The following PIWIL2 variants were observed in gnomAD, a reference collection of about 807,000 sequenced individuals.
The protein encoded by PIWIL2 is piwi like RNA-mediated gene silencing 2, also known as piwi-like protein 2.
PIWIL2 carries 81 observed loss-of-function variants against 116.5 expected under a neutral mutation model. That is an observed-to-expected ratio of 0.70 (90% CI 0.58 to 0.84). PIWIL2 has a LOEUF of 0.84. Among genes scored for constraint, PIWIL2 ranks in the 40% least tolerant of loss-of-function variants. The pLI is 0.00. For missense variants in PIWIL2, 1,272 were observed against 1,212.3 expected (o/e 1.05, Z -0.73); for synonymous variants, 489 against 429.5 (o/e 1.14, Z -1.71).
intron 20 of PIWIL2, 45 bp from the exon 21 acceptor site, chr8:22,352,914 A>G (rs773803287): frequency 6.3e-7 from 1 of 1,576,946 alleles, no homozygotes; most frequent in East Asian, 2.2e-5. Context: ...TGTGGTCCGT[A>G]GCCTGAGGGC....
intron 8 of PIWIL2, among the ~76,000 whole-genome samples, chr8:22,289,629 A>G (rs1830711819): frequency 6.6e-6 from 1 of 152,212 alleles, no homozygotes; most frequent in Admixed American, 6.5e-5. Context: ...TAGTAAGTGG[A>G]AAAGACTGCT....
intron 10 of PIWIL2, among the ~76,000 whole-genome samples, chr8:22,301,227 T>C (rs1831040157): frequency 6.6e-6 from 1 of 151,898 alleles, no homozygotes; most frequent in Non-Finnish European, 1.5e-5. Flanking sequence ...CAAGTGATCC[T>C]CCTAAAGTGC....
chr8:22,301,640 G>A (rs1422186549), intron 10 of PIWIL2, among the ~76,000 whole-genome samples: 1 of 152,024 alleles, frequency 6.6e-6, no homozygotes, highest in Non-Finnish European at 1.5e-5. Context: ...TGATGAAGTA[G>A]AATTTATACT....
Position 22,315,041 on chromosome 8 carries a change from C to T in PIWIL2, c.2104C>T (p.Arg702Ter), listed in dbSNP as rs764270995. 1 of 1,610,030 alleles carries T rather than the reference C, an allele frequency of 6.2e-7. No individual in the cohort carries two copies. The highest frequency in any genetic ancestry group is 8.5e-7 in the Non-Finnish European group (1 of 1,176,302). Residue 702 changes from arginine to a stop codon, truncating the protein, a stop_gained, in exon 18 of 23, where the codon CGA becomes TGA. Transcript: ENST00000356766. LOFTEE classifies it high-confidence loss of function. Reference protein sequence around the residue: ...SPVPSQVVNVRTIGQPTRLRS... With the variant: ...SPVPSQVVNV ...CCCTTCATTATAGGTTGTCAATGTTCGAACCATTGGTCAGCCCACCAGGCT... is the reference window on the plus strand; with the variant it reads ...CCCTTCATTATAGGTTGTCAATGTTTGAACCATTGGTCAGCCCACCAGGCT...
Position 22,304,111 on chromosome 8 carries a change from T to C in PIWIL2, c.1272T>C (p.Asn424=), listed in dbSNP as rs756134354. The C allele has an allele frequency of 2.5e-6, 4 of 1,611,758 alleles. No individual in the cohort carries two copies. The highest frequency in any genetic ancestry group is 3.4e-6 in the Non-Finnish European group (4 of 1,177,822). The change falls in exon 11 of 23, where the codon AAT becomes AAC. Residue 424 remains asparagine (N), a synonymous_variant. Coordinates refer to ENST00000356766, the MANE Select transcript of PIWIL2 (RefSeq NM_018068.5). ...ATATTGTTATCACCCGATATAACAA[T>C]CGTACCTATCGTATTGATGATGTGG... ...VGNIVITRYN[N]RTYRIDDVDW... is the part of the protein sequence containing the mutation.
At chr8:22,316,132 T>A in intron 18 of PIWIL2, 113 bp from the exon 19 acceptor site, 1 of 636,542 alleles carries the variant, frequency 1.6e-6, no homozygotes, top group Non-Finnish European at 2.8e-6. Context: ...AGAACTTACT[T>A]TCATGTATAA....
chr8:22,314,835 G>T (rs1831417313), intron 17 of PIWIL2, among the ~76,000 whole-genome samples, 194 bp from the exon 18 acceptor site: 1 of 152,132 alleles, frequency 6.6e-6, no homozygotes, highest in South Asian at 2.1e-4. Flanking sequence ...GTGTGTATGT[G>T]TGTGTGTGTG....
chr8:22,332,955 CAAG>C (rs1831895076), intron 20 of PIWIL2, among the ~76,000 whole-genome samples: 1 of 151,864 alleles, frequency 6.6e-6, no homozygotes, highest in African/African-American at 2.4e-5. Flanking sequence ...CCATCTAAAA[CAAG>C]AAAAAAATGT....
intron 10 of PIWIL2, among the ~76,000 whole-genome samples, chr8:22,292,139 C>T (rs1029981395): frequency 4.6e-5 from 7 of 152,152 alleles, no homozygotes; most frequent in Admixed American, 3.9e-4. Flanking sequence ...GCCGAGTGAG[C>T]AAGCAGGGTG....
At chr8:22,279,320 A>G (rs958854919) in intron 1 of PIWIL2, 21 bp from the exon 2 acceptor site, 5 of 1,235,380 alleles carry the variant, frequency 4.0e-6, no homozygotes, top group East Asian at 2.3e-5. Context: ...GGGAATCTTA[A>G]TCTTTTGAAA....
intron 16 of PIWIL2, 30 bp downstream of exon 16, chr8:22,311,330 G>A: frequency 6.5e-7 from 1 of 1,535,552 alleles, no homozygotes; most frequent in Non-Finnish European, 8.9e-7. Context: ...AAATTTATAG[G>A]ATGTCCATTT....
rs181458170 is a variant in PIWIL2 at position 22,305,615 on chromosome 8, A to G, written c.1456-312A>G. Among the ~76,000 whole-genome samples the G allele has an allele frequency of 4.2e-4, 64 of 152,298 alleles. 1 individual carries two copies. Among genetic ancestry groups the G allele is most frequent in the African/African-American group, 1.5e-3 (64 of 41,552 alleles). On this transcript the variant is annotated intron_variant, in intron 12 of 22. Coordinates refer to ENST00000356766, the MANE Select transcript of PIWIL2 (RefSeq NM_018068.5). ...TGAGACTGAGGCACACTGCTTAGCA[A>G]TAGGAGGCATTGTCTTAACCATTGT...
chr8:22,342,688 G>C (rs1410253339), intron 20 of PIWIL2, among the ~76,000 whole-genome samples: 7 of 152,144 alleles, frequency 4.6e-5, no homozygotes, highest in Non-Finnish European at 8.8e-5. Context: ...GAAAATCTAG[G>C]TGGCTTTGGG....
intron 5 of PIWIL2, 22 bp from the exon 6 acceptor site, chr8:22,284,140 G>T: frequency 7.4e-7 from 1 of 1,359,474 alleles, no homozygotes. Flanking sequence ...ATATGCAGTT[G>T]CTTTTTGTTT....
chr8:22,343,465 G>T (rs2132099703), intron 20 of PIWIL2, among the ~76,000 whole-genome samples: 1 of 152,214 alleles, frequency 6.6e-6, no homozygotes. Context: ...GGGCATGGTG[G>T]CGCATGCCTG....
intron 4 of PIWIL2, 115 bp downstream of exon 4, chr8:22,281,630 A>G (rs768994838): frequency 3.5e-6 from 3 of 850,084 alleles, no homozygotes; most frequent in African/African-American, 1.8e-5. Context: ...CTGGTTTTAT[A>G]TTAAAGAATG....
At chr8:22,288,872 G>A (rs4871992) in intron 8 of PIWIL2, among the ~76,000 whole-genome samples, 62,360 of 152,114 alleles carry the variant, frequency 0.41, 15,336 homozygotes, top group East Asian at 0.81. Flanking sequence ...ATGAAATTAG[G>A]TTTGGAGGTA....
In PIWIL2 at chr8:22,354,390, A is replaced by T; in HGVS notation, c.2765+12A>T. 6.6e-7 allele frequency: 1 copy of T among 1,519,456 alleles called. No homozygotes were observed. The allele number at this position is 1,519,456 out of a possible 1,614,324, so 94.1% of individuals were successfully genotyped here. On this transcript the variant is annotated intron_variant, in intron 22 of 22. Coordinates refer to ENST00000356766, the MANE Select transcript of PIWIL2 (RefSeq NM_018068.5). Reference sequence around the variant, plus strand: ...GATCATATGCAGAGGTGGGCCCATCAGTAACTTACTCTTTCTCTTTCTTAA... The same window carrying T: ...GATCATATGCAGAGGTGGGCCCATCTGTAACTTACTCTTTCTCTTTCTTAA...
intron 22 of PIWIL2, among the ~76,000 whole-genome samples, chr8:22,354,600 C>T (rs1476159247): frequency 6.6e-6 from 1 of 152,124 alleles, no homozygotes; most frequent in Non-Finnish European, 1.5e-5. Context: ...GGCTTCCCCC[C>T]AACTATTCTG....
Sources: allele counts gnomAD v4.1 joint callset (sites outside exome capture counted in the v4.1 genomes callset), GRCh38; gene constraint gnomAD v4.1.1; transcripts MANE v1.5; gene names NCBI Gene and HGNC (gene_info 2026-07-23, HGNC 2026-07-21).